The following ZFHX3 variants were observed in gnomAD, a reference collection of about 807,000 sequenced individuals.
ZFHX3 encodes the protein zinc finger homeobox 3.
A neutral mutation model predicts 279.1 loss-of-function variants in ZFHX3; 42 were observed. The ratio of observed to expected loss-of-function variants is 0.15; its 90% CI spans 0.12 to 0.19. ZFHX3 has a LOEUF of 0.19. Ranked by LOEUF, ZFHX3 falls within the 10% of genes least tolerant of loss-of-function variation. The pLI is 1.00. For synonymous variants in ZFHX3, 2,293 were observed against 1,957.8 expected (o/e 1.17, Z -4.52); for missense variants, 4,981 against 4,754.0 (o/e 1.05, Z -1.40).
intron 1 of ZFHX3, among the ~76,000 whole-genome samples, chr16:73,767,812 T>C (rs1388844333): frequency 1.3e-5 from 2 of 152,174 alleles, no homozygotes; most frequent in African/African-American, 2.4e-5. Flanking sequence ...CGTAATCAGC[T>C]GATAGTAGTA....
chr16:73,118,022 G>A (rs1283488815), intron 7 of ZFHX3, among the ~76,000 whole-genome samples: 1 of 152,104 alleles, frequency 6.6e-6, no homozygotes, highest in Non-Finnish European at 1.5e-5. Context: ...AACTAACTAA[G>A]ACACCCCCAA....
intron 4 of ZFHX3, among the ~76,000 whole-genome samples, chr16:73,258,756 A>G (rs1008935653): frequency 6.6e-6 from 1 of 152,192 alleles, no homozygotes. Flanking sequence ...CCTTTGCTTT[A>G]TATCTATGCT....
chr16:73,755,661 G>A (rs2172323), intron 1 of ZFHX3, among the ~76,000 whole-genome samples: 18,057 of 152,098 alleles, frequency 0.12, 1,080 homozygotes, highest in South Asian at 0.13. Context: ...GCTCACAGTC[G>A]GCCCAAGCCT....
chr16:73,246,660 T>A (rs962904495), intron 5 of ZFHX3, among the ~76,000 whole-genome samples: 3 of 152,244 alleles, frequency 2.0e-5, no homozygotes, highest in African/African-American at 7.2e-5. Context: ...CACAATGTCC[T>A]TCTAAATGCT....
intron 2 of ZFHX3, among the ~76,000 whole-genome samples, chr16:73,665,348 G>C (rs2052825955): frequency 1.3e-5 from 2 of 151,930 alleles, no homozygotes; most frequent in African/African-American, 4.8e-5. Context: ...CGAGTAGCTG[G>C]GATTACAGGC....
intron 8 of ZFHX3, among the ~76,000 whole-genome samples, chr16:73,067,302 G>C (rs980549093): frequency 6.6e-6 from 1 of 152,202 alleles, no homozygotes; most frequent in African/African-American, 2.4e-5. Flanking sequence ...CCCGACAGTT[G>C]AATGCTAAAG....
At chr16:73,603,023 C>T (rs890604352) in intron 2 of ZFHX3, among the ~76,000 whole-genome samples, 6 of 146,652 alleles carry the variant, frequency 4.1e-5, no homozygotes, top group African/African-American at 1.3e-4. Flanking sequence ...CGGTGACTCA[C>T]GCTTGTAATC....
At chr16:73,068,353 T>A (rs543740845) in intron 8 of ZFHX3, among the ~76,000 whole-genome samples, 1 of 152,116 alleles carries the variant, frequency 6.6e-6, no homozygotes, top group East Asian at 1.9e-4. Context: ...GCGCAGGAAA[T>A]AAAAATATTC....
chr16:73,305,768 G>C (rs2015166700), intron 4 of ZFHX3, among the ~76,000 whole-genome samples: 1 of 152,128 alleles, frequency 6.6e-6, no homozygotes, highest in Non-Finnish European at 1.5e-5. Flanking sequence ...AAGGAAGAAA[G>C]AAAAGCTGGC....
At position 72,794,575 on chromosome 16, in the gene ZFHX3, C is replaced by T. The variant is rs751822552; in HGVS notation, c.8107G>A (p.Ala2703Thr). 9 of 1,614,246 alleles carry T rather than the reference C, an allele frequency of 5.6e-6. No individual in the cohort carries two copies. Among genetic ancestry groups the T allele is most frequent in the Non-Finnish European group, 7.6e-6 (9 of 1,180,050 alleles). ...RARERKGQFR[A>T]VGPAQAHRRC... ...CTGTGGGCCTGCGCTGGGCCTACAG[C>T]CCGGAACTGTCCTTTCCTTTCCCGA... The change falls in exon 9 of 10, where the codon GCT becomes ACT. Residue 2703 changes from alanine (A) to threonine (T), a missense_variant. Ala to Thr is a moderately conservative substitution (Grantham distance 58, BLOSUM62 0). Around this residue, in one of 7 missense-constraint regions of ZFHX3, gnomAD observed 744 missense variants for 701.3 expected, o/e 1.06. Coordinates refer to ENST00000268489, the MANE Select transcript of ZFHX3 (RefSeq NM_006885.4). This position sits in a 1 kb window ranked among gnomAD's most constrained non-coding sequence, Gnocchi z 4.2.
intron 2 of ZFHX3, among the ~76,000 whole-genome samples, chr16:73,602,928 A>C (rs2052135458): frequency 1.1e-5 from 1 of 94,320 alleles, no homozygotes; most frequent in African/African-American, 3.4e-5. Flanking sequence ...AAACAGCGAG[A>C]CTCTGACTCA....
intron 3 of ZFHX3, among the ~76,000 whole-genome samples, chr16:73,377,686 G>T (rs1248161752): frequency 1.7e-4 from 19 of 108,802 alleles, no homozygotes; most frequent in African/African-American, 5.8e-4. Context: ...TGACTCCTTT[G>T]TGTTTTTTTT....
chr16:73,603,163 T>C (rs2052140593), intron 2 of ZFHX3, among the ~76,000 whole-genome samples: 1 of 151,210 alleles, frequency 6.6e-6, no homozygotes, highest in African/African-American at 2.4e-5. Flanking sequence ...CGGGCGTCTG[T>C]AGTCCCAGCT....
chr16:73,036,184 C>G (rs4788694), intron 1 of ZFHX3, among the ~76,000 whole-genome samples: 81,770 of 152,010 alleles, frequency 0.54, 22,758 homozygotes, highest in East Asian at 0.8. Flanking sequence ...GGGAGGGCTG[C>G]GGGAGGAAGG....
At chr16:73,128,972 G>A (rs1018622446) in intron 7 of ZFHX3, among the ~76,000 whole-genome samples, 7 of 152,208 alleles carry the variant, frequency 4.6e-5, no homozygotes, top group Non-Finnish European at 8.8e-5. Flanking sequence ...GGGAGAAAGG[G>A]GCATTACACT....
intron 4 of ZFHX3, among the ~76,000 whole-genome samples, chr16:73,288,070 G>C (rs1375436290): frequency 6.6e-6 from 1 of 151,956 alleles, no homozygotes; most frequent in African/African-American, 2.4e-5. Flanking sequence ...TTAATGCTCT[G>C]ACCCTGCACA....
At chr16:73,603,038 C>CGTG (rs2052137838) in intron 2 of ZFHX3, among the ~76,000 whole-genome samples, 2 of 151,690 alleles carry the variant, frequency 1.3e-5, no homozygotes, top group Non-Finnish European at 2.9e-5. Flanking sequence ...GTAATCCCAG[C>CGTG]ACTTTGGGAG....
At chr16:72,802,936 G>T (rs2036153139) in intron 7 of ZFHX3, among the ~76,000 whole-genome samples, 1 of 152,094 alleles carries the variant, frequency 6.6e-6, no homozygotes, top group Non-Finnish European at 1.5e-5. Flanking sequence ...ACTTGCCTTG[G>T]CACCCCCTTT....
chr16:73,301,620 G>A (rs2015057712), intron 4 of ZFHX3, among the ~76,000 whole-genome samples: 1 of 152,134 alleles, frequency 6.6e-6, no homozygotes, highest in Non-Finnish European at 1.5e-5. Context: ...CAGTCCTAGA[G>A]GCCTTGCAAT....
Sources: gnomAD v4.1 joint callset for allele counts (sites outside exome capture counted in the v4.1 genomes callset) on GRCh38, gnomAD v4.1.1 for gene constraint, gnomAD v4.1.1 regional missense constraint, Gnocchi (gnomAD v3.1) non-coding constraint, MANE v1.5 for transcripts, NCBI Gene and HGNC (gene_info 2026-07-23, HGNC 2026-07-21) for gene names.